Variants in KRT82 observed in about 807,000 individuals in gnomAD.
KRT82 encodes keratin 82.
KRT82 carries 44 observed loss-of-function variants against 48.0 expected under a neutral mutation model. The ratio of observed to expected loss-of-function variants is 0.92; its 90% CI spans 0.72 to 1.18. KRT82 has a LOEUF of 1.18. Ranked by LOEUF, KRT82 falls within the 50% of genes most tolerant of loss-of-function variation. The pLI, the probability that KRT82 is intolerant of heterozygous loss-of-function variation, is 0.00. For synonymous variants in KRT82, 297 were observed against 278.3 expected (o/e 1.07, Z -0.67); for missense variants, 701 against 671.4 (o/e 1.04, Z -0.49).
In KRT82 at chr12:52,400,083, C is replaced by T. The variant is rs778484077; in HGVS notation, c.844G>A (p.Glu282Lys). The change falls in exon 5 of 9, where the codon GAG becomes AAG. Residue 282 changes from glutamate to lysine, a missense_variant. Coordinates refer to ENST00000257974, the MANE Select transcript of KRT82 (RefSeq NM_033033.4). Reference sequence around the variant, plus strand: ...GCGATGATGCCGTCCACGTCCAGCTCCCGGCTGTTGTCCATCTTCACAATG... The same window carrying T: ...GCGATGATGCCGTCCACGTCCAGCTTCCGGCTGTTGTCCATCTTCACAATG... ...SVIVKMDNSRELDVDGIIAEI... is the reference protein window; with the variant it reads ...SVIVKMDNSRKLDVDGIIAEI... The T allele has an allele frequency of 1.9e-5, 30 of 1,614,196 alleles. No homozygotes were observed. The Middle Eastern group carries it at 6.6e-4, about 36-fold the overall frequency.
rs1939735411 is a variant in KRT82, at chr12:52,397,872, C to A, written c.943-864G>T. On this transcript the variant is annotated intron_variant, in intron 5 of 8. Coordinates refer to ENST00000257974, the MANE Select transcript of KRT82 (RefSeq NM_033033.4). ...GACCAGCCTGGCCAACATGGTGAAA[C>A]CCCATCACTACTAAAAATACACAAA... Among the ~76,000 whole-genome samples, 7 of 152,222 alleles carry A rather than the reference C, an allele frequency of 4.6e-5. 2 individuals carry two copies. The South Asian group carries it at 1.5e-3, about 32-fold the overall frequency.
chr12:52,397,739 T>G (rs1939734026), intron 5 of KRT82, among the ~76,000 whole-genome samples: 1 of 152,214 alleles, frequency 6.6e-6, no homozygotes, highest in African/African-American at 2.4e-5. Flanking sequence ...AAATATCCAT[T>G]GTCCTCTTCT....
In KRT82 at chr12:52,403,634, C is replaced by T. The variant is rs531516220; in HGVS notation, c.620+67G>A. On this transcript the variant is annotated intron_variant, in intron 2 of 8. Coordinates refer to ENST00000257974, the MANE Select transcript of KRT82 (RefSeq NM_033033.4). ...GCTTCCCATTTTATAAATGGGGAAT[C>T]AGGGCCCAGACTGTTTCTGTCCCTT... is the stretch of plus-strand genomic sequence containing the variant. 44 of 976,480 alleles carry T rather than the reference C, an allele frequency of 4.5e-5. No homozygotes were observed. In the African/African-American group the frequency reaches 7.1e-4, roughly 16 times the overall value. 60.5% of individuals were successfully genotyped at this position (976,480 alleles called of 1,614,324 possible).
Position 52,403,721 on chromosome 12 carries a change from T to G in KRT82, c.600A>C (p.Ala200=). Residue 200 remains alanine (A), a synonymous_variant, in exon 2 of 9, where the codon GCA becomes GCC. Coordinates refer to ENST00000257974, the MANE Select transcript of KRT82 (RefSeq NM_033033.4). ...LESELCSLQA[A]LEGYKKKYEE... is the part of the protein sequence containing the mutation. ...CTCACTTTTTCTTGTAGCCCTCCAG[T>G]GCAGCCTGGAGGCTGCAGAGCTCTG... 1 of 1,610,918 alleles carries G rather than the reference T, an allele frequency of 6.2e-7. No individual in the cohort carries two copies.
intron 5 of KRT82, among the ~76,000 whole-genome samples, chr12:52,399,501 C>A (rs780824630): frequency 2.6e-5 from 4 of 152,170 alleles, no homozygotes; most frequent in Admixed American, 6.5e-5. Context: ...ATCTAATTAC[C>A]CTTAGGGCCC....
chr12:52,405,543 C>T (rs192534211), intron 1 of KRT82, among the ~76,000 whole-genome samples: 99 of 152,342 alleles, frequency 6.5e-4, no homozygotes, highest in East Asian at 5.4e-3. Context: ...CATTTCTCTG[C>T]CTCTCTGGTC....
Position 52,394,686 on chromosome 12 carries a change from G to T in KRT82, c.*289C>A. ...GTGGTGTGCCCATTTGACCTTTTGG[G>T]GGTTATTGCCATTCTGCGGTTAAGA... On this transcript the variant is annotated 3_prime_UTR_variant, in exon 9 of 9. Coordinates refer to ENST00000257974, the MANE Select transcript of KRT82 (RefSeq NM_033033.4). 1 of 486,590 alleles carries T rather than the reference G, an allele frequency of 2.1e-6. No individual in the cohort carries two copies. The highest frequency in any genetic ancestry group is 3.8e-6 in the Non-Finnish European group (1 of 266,216). The allele number at this position is 486,590 out of a possible 1,614,324, so 30.1% of individuals were successfully genotyped here. A position where few individuals can be genotyped will look rare whatever the true frequency, so the allele number is the denominator to read the frequency against.
intron 5 of KRT82, 128 bp downstream of exon 5, chr12:52,399,857 T>C: frequency 1.1e-6 from 1 of 939,146 alleles, no homozygotes; most frequent in African/African-American, 1.6e-5. Flanking sequence ...TGGGATTCCC[T>C]GTGTCTGTGG....
intron 8 of KRT82, among the ~76,000 whole-genome samples, 188 bp from the exon 9 acceptor site, chr12:52,395,383 C>A (rs1351755896): frequency 6.6e-6 from 1 of 152,114 alleles, no homozygotes; most frequent in Non-Finnish European, 1.5e-5. Context: ...CCCCATGCAC[C>A]TCTCTCCTTT....
In KRT82 at chr12:52,397,023, A is replaced by T. The variant is rs989563100; in HGVS notation, c.943-15T>A. 3 of 1,612,904 alleles carry T rather than the reference A, an allele frequency of 1.9e-6. No homozygotes were observed. The highest frequency in any genetic ancestry group is 2.7e-5 in the African/African-American group (2 of 74,864). On this transcript the variant is annotated splice_polypyrimidine_tract_variant and intron_variant, in intron 5 of 8. Coordinates refer to ENST00000257974, the MANE Select transcript of KRT82 (RefSeq NM_033033.4). ...AGCTCCTCATACTGCCAGGACAGAG[A>T]GGTCAGAGCCCCAGGCCCCACAAGA...
Position 52,406,005 on chromosome 12 carries a change from G to A in KRT82, c.273C>T (p.Cys91=). ...TCTCATTGATGGTGACAGGGGTGAT[G>A]CAGGCAGAAGGCCCACAGGTGGCTC... ...RLGATCGPSA[C]ITPVTINESL... is the part of the protein sequence containing the mutation. Residue 91 remains cysteine (C), a synonymous_variant, in exon 1 of 9, where the codon TGC becomes TGT. Coordinates refer to ENST00000257974, the MANE Select transcript of KRT82 (RefSeq NM_033033.4). 1 of 1,614,228 alleles carries A rather than the reference G, an allele frequency of 6.2e-7. No individual in the cohort carries two copies. The highest frequency in any genetic ancestry group is 8.5e-7 in the Non-Finnish European group (1 of 1,180,044).
chr12:52,397,592 A>G (rs1408619510), intron 5 of KRT82, among the ~76,000 whole-genome samples: 3 of 152,250 alleles, frequency 2.0e-5, no homozygotes, highest in African/African-American at 4.8e-5. Flanking sequence ...GTTTTAAAAA[A>G]TTAGCTGACT....
intron 5 of KRT82, among the ~76,000 whole-genome samples, chr12:52,398,607 A>G (rs891974573): frequency 6.6e-6 from 1 of 151,984 alleles, no homozygotes; most frequent in Non-Finnish European, 1.5e-5. Flanking sequence ...TGAACCCAAC[A>G]TGGCTGATGG....
intron 7 of KRT82, 69 bp from the exon 8 acceptor site, chr12:52,395,859 C>A: frequency 6.9e-7 from 1 of 1,456,524 alleles, no homozygotes. Flanking sequence ...AGCATCTCCC[C>A]GCTCCCGCCC....
In KRT82 at chr12:52,406,152, A is replaced by AC. The variant is rs2121488177; in HGVS notation, c.125dup (p.Gly43TrpfsTer2). The AC allele has an allele frequency of 1.9e-6, 3 of 1,612,612 alleles. No homozygotes were observed. The East Asian group carries it at 6.7e-5, about 36-fold the overall frequency. ...AGCCCAGAGCTCGGAGGCCCCTACCACCCCCGGGCCGGCATGGCCCCTTGC... is the reference window on the plus strand; with the variant it reads ...AGCCCAGAGCTCGGAGGCCCCTACCACCCCCCGGGCCGGCATGGCCCCTTGC... On this transcript the variant is annotated frameshift_variant, in exon 1 of 9. Coordinates refer to ENST00000257974, the MANE Select transcript of KRT82 (RefSeq NM_033033.4). LOFTEE classifies it high-confidence loss of function.
intron 7 of KRT82, 25 bp downstream of exon 7, chr12:52,395,987 T>C (rs1255759442): frequency 6.2e-7 from 1 of 1,613,578 alleles, no homozygotes; most frequent in Non-Finnish European, 8.5e-7. Flanking sequence ...TAGCCCATCT[T>C]TGACCCCCTC....
intron 5 of KRT82, among the ~76,000 whole-genome samples, chr12:52,398,230 G>T (rs528171131): frequency 6.6e-6 from 1 of 152,110 alleles, no homozygotes; most frequent in Non-Finnish European, 1.5e-5. Flanking sequence ...TCTTTAAAGG[G>T]GGGAATGACC....
At position 52,395,882 on chromosome 12, in the gene KRT82, A is replaced by T. The variant is rs1289076637; in HGVS notation, c.1290-92T>A. 4 of 1,477,324 alleles carry T rather than the reference A, an allele frequency of 2.7e-6. No individual in the cohort carries two copies. The Admixed American group carries it at 5.7e-5, about 21-fold the overall frequency. The allele number at this position is 1,477,324 out of a possible 1,614,324, so 91.5% of individuals were successfully genotyped here. A position where few individuals can be genotyped will look rare whatever the true frequency, so the allele number is the denominator to read the frequency against. On this transcript the variant is annotated intron_variant, in intron 7 of 8. Transcript: ENST00000257974. ...CCCGCTCCCGCCCTCATTGTGGACCATGTGCTGCTGTGGGTTTTCAATGAA... is the reference window on the plus strand; with the variant it reads ...CCCGCTCCCGCCCTCATTGTGGACCTTGTGCTGCTGTGGGTTTTCAATGAA...
intron 3 of KRT82, 99 bp from the exon 4 acceptor site, chr12:52,400,721 C>T: frequency 1.2e-6 from 1 of 816,876 alleles, no homozygotes; most frequent in South Asian, 1.4e-5. Context: ...CTCACGAACA[C>T]CCATGGGCAT....
Sources: gnomAD v4.1 joint callset for allele counts (sites outside exome capture counted in the v4.1 genomes callset) on GRCh38, gnomAD v4.1.1 for gene constraint, MANE v1.5 for transcripts, NCBI Gene and HGNC (gene_info 2026-07-23, HGNC 2026-07-21) for gene names.